The following KAT6B variants were observed in gnomAD, a reference collection of about 807,000 sequenced individuals.
KAT6B encodes histone acetyltransferase KAT6B.
A neutral mutation model predicts 187.5 loss-of-function variants in KAT6B; 10 were observed. The ratio of observed to expected loss-of-function variants is 0.05; its 90% CI spans 0.03 to 0.09. The LOEUF is 0.09. KAT6B is among the 10% of genes least tolerant of loss of function. The probability of loss-of-function intolerance (pLI) is 1.00; values close to 1 mark genes in which losing one functional copy is unlikely to be tolerated. For missense variants in KAT6B, 1,952 were observed against 2,558.9 expected (o/e 0.76, Z 5.12); for synonymous variants, 861 against 926.8 (o/e 0.93, Z 1.29).
At chr10:74,828,947 G>GT (rs1218845936) in intron 1 of KAT6B, among the ~76,000 whole-genome samples, 6 of 150,936 alleles carry the variant, frequency 4.0e-5, no homozygotes, top group African/African-American at 1.2e-4. Flanking sequence ...TAATGCACAT[G>GT]TTTTTTCTTT....
At chr10:74,954,919 T>A (rs990075046) in intron 3 of KAT6B, among the ~76,000 whole-genome samples, 3 of 152,176 alleles carry the variant, frequency 2.0e-5, no homozygotes, top group Non-Finnish European at 4.4e-5. Context: ...TCCTCTGTAT[T>A]TCCTCTGAGT....
At chr10:75,020,378 G>T (rs1454778308) in intron 13 of KAT6B, among the ~76,000 whole-genome samples, 1 of 152,196 alleles carries the variant, frequency 6.6e-6, no homozygotes, top group African/African-American at 2.4e-5. Flanking sequence ...AATTGACTTA[G>T]AGTGCCACTG....
chr10:74,929,888 T>C (rs559996484), intron 3 of KAT6B, among the ~76,000 whole-genome samples: 1 of 152,148 alleles, frequency 6.6e-6, no homozygotes, highest in East Asian at 1.9e-4. Flanking sequence ...ATGATTGCTT[T>C]TCACAGACTA....
In KAT6B at chr10:75,030,709, A is replaced by G. The variant is rs1176130740; in HGVS notation, c.5885A>G (p.Gln1962Arg). Residue 1962 changes from glutamine (Q) to arginine (R), a missense_variant, in exon 18 of 18, where the codon CAA becomes CGA. Coordinates refer to ENST00000287239, the MANE Select transcript of KAT6B (RefSeq NM_012330.4). This position sits in a 1 kb window ranked among gnomAD's most constrained non-coding sequence, Gnocchi z 4.8. ...MQGPARTLTM[Q>R]RGMNMSVNLM... Reference sequence around the variant, plus strand: ...GGTCCTGCACGGACTTTAACGATGCAAAGAGGCATGAACATGAGTGTGAAC... The same window carrying G: ...GGTCCTGCACGGACTTTAACGATGCGAAGAGGCATGAACATGAGTGTGAAC... The G allele has an allele frequency of 6.2e-7, 1 of 1,614,096 alleles. No individual in the cohort carries two copies. Among genetic ancestry groups the G allele is most frequent in the Non-Finnish European group, 8.5e-7 (1 of 1,180,044 alleles).
At chr10:74,901,428 C>T (rs971158377) in intron 3 of KAT6B, among the ~76,000 whole-genome samples, 13 of 152,142 alleles carry the variant, frequency 8.5e-5, no homozygotes, top group African/African-American at 3.1e-4. Flanking sequence ...ACCTTTGAGG[C>T]AAGATGTGTG....
chr10:74,856,570 A>G lies in KAT6B; in HGVS notation c.621+13092A>G, dbSNP rs80313446. ...TTAGTATTTGTCTGACTGTATCCTC[A>G]TGATTAGATTCAGAGTAAACATTTT... On this transcript the variant is annotated intron_variant, in intron 3 of 17. Coordinates refer to ENST00000287239, the MANE Select transcript of KAT6B (RefSeq NM_012330.4). Among the ~76,000 whole-genome samples the G allele has an allele frequency of 2.1e-3, 313 of 152,142 alleles. 1 individual carries two copies. The highest frequency in any genetic ancestry group is 7.2e-3 in the African/African-American group (298 of 41,502).
At chr10:74,899,495 G>A (rs1380008615) in intron 3 of KAT6B, among the ~76,000 whole-genome samples, 3 of 151,856 alleles carry the variant, frequency 2.0e-5, no homozygotes, top group Non-Finnish European at 2.9e-5. Flanking sequence ...GGCTGGTCTC[G>A]AACTCCTGAC....
chr10:74,901,854 A>G (rs1342774432), intron 3 of KAT6B, among the ~76,000 whole-genome samples: 1 of 152,164 alleles, frequency 6.6e-6, no homozygotes, highest in Non-Finnish European at 1.5e-5. Flanking sequence ...TTTTAGACAT[A>G]TAGAAGTAAT....
chr10:74,959,604 A>G (rs1305834140), intron 3 of KAT6B, among the ~76,000 whole-genome samples: 1 of 152,174 alleles, frequency 6.6e-6, no homozygotes. Flanking sequence ...ATCCTGGCCA[A>G]CATGGTGAAA....
chr10:74,854,154 A>G (rs1421179580), intron 3 of KAT6B, among the ~76,000 whole-genome samples: 2 of 152,224 alleles, frequency 1.3e-5, no homozygotes, highest in Admixed American at 6.5e-5. Flanking sequence ...CAATTAGCTC[A>G]CCAAATTAAA....
rs182663334 is a variant in KAT6B at position 74,890,849 on chromosome 10, T to G, written c.621+47371T>G. Among the ~76,000 whole-genome samples the G allele has an allele frequency of 5.3e-5, 8 of 152,372 alleles. No homozygotes were observed. In the East Asian group the frequency reaches 1.5e-3, roughly 29 times the overall value. ...TATGATATATGTTCAAATCTTGAGTTAAAGGTAAATAGAACACAGTTTGGG... is the reference window on the plus strand; with the variant it reads ...TATGATATATGTTCAAATCTTGAGTGAAAGGTAAATAGAACACAGTTTGGG... On this transcript the variant is annotated intron_variant, in intron 3 of 17. Coordinates refer to ENST00000287239, the MANE Select transcript of KAT6B (RefSeq NM_012330.4).
intron 13 of KAT6B, among the ~76,000 whole-genome samples, chr10:75,012,201 A>C (rs1844655719): frequency 6.6e-6 from 1 of 152,144 alleles, no homozygotes; most frequent in Non-Finnish European, 1.5e-5. Context: ...TAATCCCAGC[A>C]CTTTGGGAGG....
At chr10:75,022,884 A>G (rs1564627016) in intron 16 of KAT6B, among the ~76,000 whole-genome samples, 1 of 152,212 alleles carries the variant, frequency 6.6e-6, no homozygotes, top group African/African-American at 2.4e-5. Context: ...AGATCGCACC[A>G]TTGCACTCCA....
intron 3 of KAT6B, among the ~76,000 whole-genome samples, chr10:74,843,719 G>A (rs566680438): frequency 1.3e-5 from 2 of 152,114 alleles, no homozygotes; most frequent in African/African-American, 2.4e-5. Context: ...AGCTCTAATT[G>A]CTAACTGGTT....
At chr10:75,019,419 C>T (rs1845218363) in intron 13 of KAT6B, among the ~76,000 whole-genome samples, 1 of 152,166 alleles carries the variant, frequency 6.6e-6, no homozygotes, top group Non-Finnish European at 1.5e-5. Flanking sequence ...CAGGAAAATG[C>T]ATCAGAGGCA....
intron 3 of KAT6B, among the ~76,000 whole-genome samples, chr10:74,895,853 C>T (rs545358747): frequency 6.6e-6 from 1 of 152,220 alleles, no homozygotes; most frequent in Admixed American, 6.5e-5. Flanking sequence ...CTTTACCTTC[C>T]CCAGCATGAC....
At chr10:74,989,238 T>C in intron 13 of KAT6B, 126 bp downstream of exon 13, 1 of 731,120 alleles carries the variant, frequency 1.4e-6, no homozygotes, top group East Asian at 2.7e-5. Flanking sequence ...GGCTTTCTAT[T>C]TATATTTACA....
intron 2 of KAT6B, among the ~76,000 whole-genome samples, chr10:74,839,319 C>T (rs1048465396): frequency 2.0e-4 from 31 of 151,246 alleles, no homozygotes; most frequent in Non-Finnish European, 2.9e-5. Flanking sequence ...CAACCTCTGC[C>T]TCCTGGGTTC....
rs746093193 is a variant in KAT6B, at chr10:75,030,157, C to G, written c.5333C>G (p.Pro1778Arg). The G allele has an allele frequency of 1.2e-5, 20 of 1,614,122 alleles. No homozygotes were observed. The highest frequency in any genetic ancestry group is 6.7e-5 in the Admixed American group (4 of 60,010). Residue 1778 changes from proline to arginine, a missense_variant, in exon 18 of 18, where the codon CCC becomes CGC. By Grantham distance (103) the Pro-to-Arg change is moderately radical. This residue lies in a region of KAT6B where 358 missense variants were observed against 436.3 expected (regional missense o/e 0.82). Coordinates refer to ENST00000287239, the MANE Select transcript of KAT6B (RefSeq NM_012330.4). The surrounding 1 kb of genome is among the most constrained non-coding windows in gnomAD (Gnocchi z 4.8). ...QCSMAANFTP[P>R]MQLAEIPETS... ...AGCATGGCTGCTAACTTCACCCCACCCATGCAGCTGGCTGAAATCCCCGAG... is the reference window on the plus strand; with the variant it reads ...AGCATGGCTGCTAACTTCACCCCACGCATGCAGCTGGCTGAAATCCCCGAG...
Sources: allele counts gnomAD v4.1 joint callset (sites outside exome capture counted in the v4.1 genomes callset), GRCh38; gene constraint gnomAD v4.1.1; regional missense constraint gnomAD v4.1.1; non-coding constraint Gnocchi (gnomAD v3.1); transcripts MANE v1.5; gene names NCBI Gene and HGNC (gene_info 2026-07-23, HGNC 2026-07-21).